The following SLC4A8 variants were observed in gnomAD, a reference collection of about 807,000 sequenced individuals.
SLC4A8 encodes the protein solute carrier family 4 member 8.
A neutral mutation model predicts 125.0 loss-of-function variants in SLC4A8; 40 were observed. That is an observed-to-expected ratio of 0.32 (90% CI 0.25 to 0.42). The LOEUF is 0.42. Ranked by LOEUF, SLC4A8 falls within the 10% of genes least tolerant of loss-of-function variation. The pLI is 1.00. For synonymous variants in SLC4A8, 456 were observed against 476.0 expected, an observed-to-expected ratio of 0.96 and a Z score of 0.55; for missense variants, 863 against 1,355.1, an observed-to-expected ratio of 0.64 and a Z score of 5.70.
At chr12:51,504,003 TATA>T (rs563647026) in intron 22 of SLC4A8, 23 bp from the exon 23 acceptor site, 7 of 1,364,594 alleles carry the variant, frequency 5.1e-6, no homozygotes, top group Non-Finnish European at 7.2e-6. Flanking sequence ...TGGTCCAAGA[TATA>T]ATAATGTTTC....
At chr12:51,393,066 CTCCTT>C (rs1767573708) in intron 1 of SLC4A8, among the ~76,000 whole-genome samples, 1 of 150,594 alleles carries the variant, frequency 6.6e-6, no homozygotes, top group African/African-American at 2.4e-5. Flanking sequence ...CTCTCTGTCT[CTCCTT>C]TCTCTCTCTC....
In SLC4A8 at chr12:51,488,751, G is replaced by C. The variant is rs200089075; in HGVS notation, c.2339G>C (p.Trp780Ser). The C allele has an allele frequency of 1.2e-4, 190 of 1,613,706 alleles. No homozygotes were observed. The highest frequency in any genetic ancestry group is 1.5e-4 in the Non-Finnish European group (176 of 1,179,780). The change falls in exon 18 of 25, where the codon TGG (tryptophan) becomes TCG (serine). Residue 780 changes from tryptophan (W) to serine (S), a missense_variant. Trp to Ser is a radical substitution (Grantham distance 177). Coordinates refer to ENST00000453097, the MANE Select transcript of SLC4A8 (RefSeq NM_001039960.3). ...ATTAATCCCATTGGCCCCAATCCCTGGTGGACTGTGATAGCTGCAATTATC... is the reference window on the plus strand; with the variant it reads ...ATTAATCCCATTGGCCCCAATCCCTCGTGGACTGTGATAGCTGCAATTATC... ...WIINPIGPNP[W>S]WTVIAAIIPA...
chr12:51,503,132 G>T (rs1238919633), intron 22 of SLC4A8, among the ~76,000 whole-genome samples: 1 of 144,588 alleles, frequency 6.9e-6, no homozygotes, highest in East Asian at 2.1e-4. Flanking sequence ...CTGAGCCACC[G>T]CACCCAGCCA....
At chr12:51,416,520 G>GT (rs1948691102) in intron 1 of SLC4A8, among the ~76,000 whole-genome samples, 1 of 152,110 alleles carries the variant, frequency 6.6e-6, no homozygotes, top group Admixed American at 6.5e-5. Context: ...GCGTACGCTT[G>GT]TAATTTCAGC....
At chr12:51,418,200 C>G (rs1948723846) in intron 1 of SLC4A8, among the ~76,000 whole-genome samples, 1 of 152,132 alleles carries the variant, frequency 6.6e-6, no homozygotes, top group Non-Finnish European at 1.5e-5. Context: ...GTGAAAGTTT[C>G]AAGGAGGCAA....
intron 1 of SLC4A8, among the ~76,000 whole-genome samples, chr12:51,404,727 T>TC (rs1948456010): frequency 6.6e-6 from 1 of 152,206 alleles, no homozygotes; most frequent in African/African-American, 2.4e-5. Context: ...TCCAGTGATA[T>TC]CTTTTGGACT....
intron 5 of SLC4A8, among the ~76,000 whole-genome samples, chr12:51,455,310 C>T (rs538768803): frequency 5.9e-5 from 9 of 151,364 alleles, no homozygotes; most frequent in Non-Finnish European, 1.2e-4. Context: ...ACGGTTCCTA[C>T]CTTCAAGGAG....
At chr12:51,421,473 C>T (rs1948788193), upstream of SLC4A8, among the ~76,000 whole-genome samples, 1 of 152,220 alleles carries the variant, frequency 6.6e-6, no homozygotes, top group South Asian at 2.1e-4. Context: ...GCTCTTGACC[C>T]TGGAGTCAAG....
chr12:51,457,174 T>A (rs934390250), intron 5 of SLC4A8, among the ~76,000 whole-genome samples, 177 bp from the exon 6 acceptor site: 1 of 152,198 alleles, frequency 6.6e-6, no homozygotes, highest in Non-Finnish European at 1.5e-5. Flanking sequence ...AGTATAACTT[T>A]TCACAGTCAC....
chr12:51,459,096 A>G (rs1352759551), intron 7 of SLC4A8, among the ~76,000 whole-genome samples: 1 of 152,184 alleles, frequency 6.6e-6, no homozygotes, highest in Non-Finnish European at 1.5e-5. Flanking sequence ...CTTCTGTAGC[A>G]GCAGTGTCTC....
chr12:51,495,220 T>A, intron 21 of SLC4A8, 102 bp downstream of exon 21: 1 of 945,782 alleles, frequency 1.1e-6, no homozygotes, highest in Non-Finnish European at 1.6e-6. Context: ...TACAGTTGAG[T>A]GGCATTAAGT....
At chr12:51,425,087 C>T (rs1183429399) in intron 1 of SLC4A8, 52 bp downstream of exon 1, 1 of 1,534,012 alleles carries the variant, frequency 6.5e-7, no homozygotes. Context: ...GCAGCCTCCT[C>T]ATCCTCTGCC....
At chr12:51,421,789 A>G (rs1948794621), upstream of SLC4A8, among the ~76,000 whole-genome samples, 1 of 152,160 alleles carries the variant, frequency 6.6e-6, no homozygotes, top group South Asian at 2.1e-4. Flanking sequence ...TTATAGGCCA[A>G]TACAACATAG....
chr12:51,462,166 C>G, intron 9 of SLC4A8, 144 bp from the exon 10 acceptor site: 1 of 723,404 alleles, frequency 1.4e-6, no homozygotes, highest in Non-Finnish European at 2.3e-6. Context: ...TTGCACTTCT[C>G]TAAGTGCTAA....
chr12:51,444,677 A>G (rs1025654766), intron 2 of SLC4A8, among the ~76,000 whole-genome samples: 9 of 152,178 alleles, frequency 5.9e-5, no homozygotes, highest in African/African-American at 1.4e-4. Context: ...CAATTGAACC[A>G]TCGTGTCTTT....
At chr12:51,483,557 T>A (rs1365702608) in intron 16 of SLC4A8, among the ~76,000 whole-genome samples, 1 of 151,858 alleles carries the variant, frequency 6.6e-6, no homozygotes, top group Non-Finnish European at 1.5e-5. Context: ...TCAGCATACT[T>A]CCTGTTCATA....
At chr12:51,410,876 C>CT (rs58043742) in intron 1 of SLC4A8, among the ~76,000 whole-genome samples, 174 of 117,378 alleles carry the variant, frequency 1.5e-3, no homozygotes, top group Admixed American at 3.6e-3. Context: ...CTTTTCTTTT[C>CT]TTTTTTTTTT....
At chr12:51,447,654 T>A (rs2138165793) in intron 2 of SLC4A8, among the ~76,000 whole-genome samples, 1 of 151,804 alleles carries the variant, frequency 6.6e-6, no homozygotes. Flanking sequence ...ATGGCAGTTA[T>A]ACATCTCTAG....
chr12:51,399,031 G>A (rs1001194568), intron 1 of SLC4A8, among the ~76,000 whole-genome samples: 1 of 152,234 alleles, frequency 6.6e-6, no homozygotes, highest in Non-Finnish European at 1.5e-5. Flanking sequence ...TTACAGGCGT[G>A]AGCCACCACA....
Sources: allele counts gnomAD v4.1 joint callset (sites outside exome capture counted in the v4.1 genomes callset), GRCh38; gene constraint gnomAD v4.1.1; transcripts MANE v1.5; gene names NCBI Gene and HGNC (gene_info 2026-07-23, HGNC 2026-07-21).